GABBR2: variants seen among roughly 807,000 people sequenced by gnomAD.
GABBR2 encodes gamma-aminobutyric acid type B receptor subunit 2.
Under a neutral mutation model 105.6 loss-of-function variants are expected in GABBR2, and 23 were observed. That is an observed-to-expected ratio of 0.22 (90% CI 0.16 to 0.31). The LOEUF (loss-of-function observed/expected upper bound fraction) is 0.31. GABBR2 is among the 10% of genes least tolerant of loss of function. GABBR2 has a pLI of 1.00. For synonymous variants in GABBR2, 478 were observed against 499.7 expected (o/e 0.96, Z 0.58); for missense variants, 734 against 1,245.5 (o/e 0.59, Z 6.18).
intron 2 of GABBR2, among the ~76,000 whole-genome samples, chr9:98,569,227 C>A (rs1053042726): frequency 2.6e-5 from 4 of 152,132 alleles, no homozygotes; most frequent in African/African-American, 9.7e-5. Flanking sequence ...GGCTCACTTG[C>A]GTGCTCTGTG....
intron 18 of GABBR2, among the ~76,000 whole-genome samples, chr9:98,291,074 A>T (rs115100060): frequency 9.2e-5 from 14 of 152,152 alleles, no homozygotes; most frequent in African/African-American, 3.4e-4. Context: ...ATGGGGTTAC[A>T]TTCCCATAAA....
At chr9:98,593,828 T>G (rs970795147) in intron 1 of GABBR2, among the ~76,000 whole-genome samples, 1 of 152,174 alleles carries the variant, frequency 6.6e-6, no homozygotes, top group Non-Finnish European at 1.5e-5. Flanking sequence ...CAGGTGCCCA[T>G]GCTCCCTCTG....
At chr9:98,510,088 A>G (rs1444174691) in intron 3 of GABBR2, among the ~76,000 whole-genome samples, 1 of 152,270 alleles carries the variant, frequency 6.6e-6, no homozygotes, top group Non-Finnish European at 1.5e-5. Flanking sequence ...GAAACTCTAC[A>G]AGCCAGAAGA....
At chr9:98,357,882 C>T (rs754884369) in intron 13 of GABBR2, among the ~76,000 whole-genome samples, 1 of 151,914 alleles carries the variant, frequency 6.6e-6, no homozygotes, top group Non-Finnish European at 1.5e-5. Flanking sequence ...AATGGTTTTG[C>T]TACCTATGTA....
chr9:98,486,475 C>A (rs1827051625), intron 4 of GABBR2, among the ~76,000 whole-genome samples: 1 of 152,174 alleles, frequency 6.6e-6, no homozygotes, highest in Admixed American at 6.5e-5. Flanking sequence ...GCCTTCCTTG[C>A]CTGTGGAGCA....
chr9:98,448,972 G>C (rs2131596760), intron 7 of GABBR2, among the ~76,000 whole-genome samples: 1 of 152,080 alleles, frequency 6.6e-6, no homozygotes, highest in South Asian at 2.1e-4. Flanking sequence ...ATTTTCACCT[G>C]AAGACTTAGC....
intron 18 of GABBR2, 29 bp downstream of exon 18, chr9:98,293,756 G>A (rs376012351): frequency 8.3e-7 from 1 of 1,198,386 alleles, no homozygotes; most frequent in Non-Finnish European, 1.2e-6. Flanking sequence ...TTCTTCTTCA[G>A]TTATAATTCT....
At chr9:98,610,168 G>T (rs997014951) in intron 1 of GABBR2, among the ~76,000 whole-genome samples, 6 of 152,240 alleles carry the variant, frequency 3.9e-5, no homozygotes, top group Admixed American at 2.0e-4. Flanking sequence ...AGAAACTGCT[G>T]CCTGGACTCA....
chr9:98,526,436 GC>G (rs1420871578), intron 3 of GABBR2, among the ~76,000 whole-genome samples: 1 of 152,086 alleles, frequency 6.6e-6, no homozygotes, highest in East Asian at 1.9e-4. Flanking sequence ...CTTATAACCT[GC>G]CCCTCACTGC....
intron 1 of GABBR2, among the ~76,000 whole-genome samples, chr9:98,626,964 C>T (rs544705545): frequency 4.6e-5 from 7 of 152,314 alleles, no homozygotes; most frequent in Admixed American, 2.0e-4. Context: ...TAAGTGAGAA[C>T]ATGAAATGCC....
At chr9:98,632,326 A>G (rs991660289) in intron 1 of GABBR2, among the ~76,000 whole-genome samples, 12 of 152,242 alleles carry the variant, frequency 7.9e-5, no homozygotes, top group Non-Finnish European at 1.8e-4. Flanking sequence ...AGAAGTAGAG[A>G]TAATGTATGT....
At chr9:98,349,043 T>G (rs1004475141) in intron 13 of GABBR2, among the ~76,000 whole-genome samples, 1 of 152,202 alleles carries the variant, frequency 6.6e-6, no homozygotes, top group African/African-American at 2.4e-5. Context: ...CTCCATTCAG[T>G]ATGATATTAG....
At chr9:98,416,295 A>T (rs1832688159) in intron 7 of GABBR2, among the ~76,000 whole-genome samples, 1 of 152,220 alleles carries the variant, frequency 6.6e-6, no homozygotes, top group African/African-American at 2.4e-5. Flanking sequence ...TTTTACCTGC[A>T]CAACTGGGTG....
intron 1 of GABBR2, among the ~76,000 whole-genome samples, chr9:98,606,620 A>G (rs1829426258): frequency 6.6e-6 from 1 of 151,256 alleles, no homozygotes; most frequent in African/African-American, 2.4e-5. Context: ...AGCTGGGATT[A>G]CAGGCATGTG....
At chr9:98,527,916 G>A (rs572043993) in intron 3 of GABBR2, among the ~76,000 whole-genome samples, 2 of 152,210 alleles carry the variant, frequency 1.3e-5, no homozygotes, top group Admixed American at 1.3e-4. Flanking sequence ...CAGATTAATG[G>A]AACAAAATGT....
intron 1 of GABBR2, among the ~76,000 whole-genome samples, chr9:98,676,240 G>A (rs1253818267): frequency 6.6e-6 from 1 of 152,186 alleles, no homozygotes; most frequent in African/African-American, 2.4e-5. Context: ...AGGTGACCTC[G>A]AGAAGTTGAA....
chr9:98,607,277 C>T lies in GABBR2; in HGVS notation c.322-29205G>A, dbSNP rs573016760. On this transcript the variant is annotated intron_variant, in intron 1 of 18. Transcript: ENST00000259455. The stretch of plus-strand genomic sequence containing the variant: ...ACGTAAATGCAGAATCGCATGTGAA[C>T]GGACGTCAGATGCCTGATAACGGTG... 1.4e-4 allele frequency: 138 copies of T among 997,522 alleles called. 1 individual carries two copies. Among genetic ancestry groups the T allele is most frequent in the African/African-American group, 1.1e-3 (72 of 63,062 alleles). 61.8% of individuals were successfully genotyped at this position (997,522 alleles called of 1,614,324 possible). A position where few individuals can be genotyped will look rare whatever the true frequency, so the allele number is the denominator to read the frequency against.
intron 17 of GABBR2, among the ~76,000 whole-genome samples, chr9:98,296,512 C>G (rs1341263249): frequency 1.3e-5 from 2 of 152,192 alleles, no homozygotes; most frequent in African/African-American, 4.8e-5. Context: ...TTTGAGAATG[C>G]CTCTCTTATA....
intron 13 of GABBR2, among the ~76,000 whole-genome samples, chr9:98,333,532 C>G (rs942810909): frequency 6.6e-6 from 1 of 152,108 alleles, no homozygotes; most frequent in African/African-American, 2.4e-5. Flanking sequence ...CCTCCATCTC[C>G]GCATGGCCTT....
Sources: gnomAD v4.1 joint callset for allele counts (sites outside exome capture counted in the v4.1 genomes callset) on GRCh38, gnomAD v4.1.1 for gene constraint, MANE v1.5 for transcripts, NCBI Gene and HGNC (gene_info 2026-07-23, HGNC 2026-07-21) for gene names.